Variants in MYO3B observed in about 807,000 individuals in gnomAD.
MYO3B encodes myosin IIIB.
Under a neutral mutation model 174.6 loss-of-function variants are expected in MYO3B, and 156 were observed. The ratio of observed to expected loss-of-function variants is 0.89; its 90% CI spans 0.78 to 1.02. MYO3B has a LOEUF of 1.02. MYO3B is among the 50% of genes least tolerant of loss of function. The pLI is 0.00. For synonymous variants in MYO3B, 563 were observed against 569.1 expected (o/e 0.99, Z 0.15); for missense variants, 1,632 against 1,639.4 (o/e 1.00, Z 0.08).
chr2:170,541,822 A>T (rs115698934), intron 30 of MYO3B, among the ~76,000 whole-genome samples: 143 of 152,298 alleles, frequency 9.4e-4, no homozygotes, highest in African/African-American at 3.3e-3. Context: ...GACATATGAT[A>T]AGCAAATATA....
rs1322194471 is a variant in MYO3B at position 170,338,451 on chromosome 2, CA to C, written c.815+3003del. Among the ~76,000 whole-genome samples the C allele has an allele frequency of 2.6e-5, 4 of 152,222 alleles. No individual in the cohort carries two copies. The South Asian group carries it at 6.2e-4, about 24-fold the overall frequency. On this transcript the variant is annotated intron_variant, in intron 8 of 34. Transcript: ENST00000408978. ...AGATTCCTTCTTGACCTCAGCCCTC[CA>C]ATCCTGTTTTCCCATAACATCTTAG...
At chr2:170,485,342 G>T (rs1051763875) in intron 25 of MYO3B, among the ~76,000 whole-genome samples, 1 of 149,918 alleles carries the variant, frequency 6.7e-6, no homozygotes, top group Non-Finnish European at 1.5e-5. Context: ...TCTGCCCAAT[G>T]ATGCCCCCTC....
intron 6 of MYO3B, 119 bp from the exon 7 acceptor site, chr2:170,235,872 A>T: frequency 8.6e-7 from 1 of 1,168,728 alleles, no homozygotes; most frequent in Non-Finnish European, 1.3e-6. Context: ...TTATTACTGG[A>T]ATTCAATATC....
At chr2:170,652,884 A>G (rs1699098520) in intron 34 of MYO3B, 99 bp from the exon 35 acceptor site, 14 of 1,393,930 alleles carry the variant, frequency 1.0e-5, no homozygotes, top group Admixed American at 1.8e-5. Context: ...TTGGAGCCCA[A>G]CCCTGTTCCA....
chr2:170,568,303 A>G (rs1692205897), intron 32 of MYO3B, among the ~76,000 whole-genome samples: 1 of 152,256 alleles, frequency 6.6e-6, no homozygotes, highest in Non-Finnish European at 1.5e-5. Context: ...TTTGGTAATA[A>G]CAGGGGCAGA....
At chr2:170,244,945 G>T (rs2093173233) in intron 7 of MYO3B, among the ~76,000 whole-genome samples, 1 of 152,202 alleles carries the variant, frequency 6.6e-6, no homozygotes, top group African/African-American at 2.4e-5. Flanking sequence ...GGGAAAGATT[G>T]TGTTGAGGAA....
chr2:170,624,842 G>C (rs1696262519), intron 32 of MYO3B, among the ~76,000 whole-genome samples: 1 of 152,058 alleles, frequency 6.6e-6, no homozygotes, highest in Non-Finnish European at 1.5e-5. Flanking sequence ...TTTTCTCTTT[G>C]GTTCTGTTTA....
chr2:170,261,850 A>G (rs2093348142), intron 7 of MYO3B, among the ~76,000 whole-genome samples: 1 of 152,232 alleles, frequency 6.6e-6, no homozygotes, highest in South Asian at 2.1e-4. Flanking sequence ...GTTCAAATAT[A>G]TAAATGTTCA....
At chr2:170,505,229 A>C (rs113161486) in intron 28 of MYO3B, among the ~76,000 whole-genome samples, 8 of 152,186 alleles carry the variant, frequency 5.3e-5, no homozygotes, top group African/African-American at 1.9e-4. Flanking sequence ...AAGGAGCCTG[A>C]GCAAAGGTAT....
intron 22 of MYO3B, among the ~76,000 whole-genome samples, chr2:170,412,930 G>C (rs2094555061): frequency 1.3e-5 from 2 of 152,170 alleles, no homozygotes; most frequent in Non-Finnish European, 2.9e-5. Flanking sequence ...TTTAATTTGG[G>C]AAGTGTATCT....
chr2:170,533,816 T>C (rs1301956096), intron 30 of MYO3B, among the ~76,000 whole-genome samples: 1 of 152,252 alleles, frequency 6.6e-6, no homozygotes, highest in African/African-American at 2.4e-5. Context: ...TTGTCTTGTG[T>C]GTTTATTTTG....
At chr2:170,625,766 T>G (rs530458909) in intron 32 of MYO3B, among the ~76,000 whole-genome samples, 1 of 152,224 alleles carries the variant, frequency 6.6e-6, no homozygotes, top group African/African-American at 2.4e-5. Context: ...TTTGTTCTCA[T>G]TGGTTTCAAA....
intron 32 of MYO3B, among the ~76,000 whole-genome samples, chr2:170,646,385 T>G (rs915777949): frequency 6.6e-6 from 1 of 151,588 alleles, no homozygotes; most frequent in African/African-American, 2.4e-5. Flanking sequence ...GTTCTGGGGG[T>G]TTTTTTCTGG....
chr2:170,628,936 G>GTT (rs975972922), intron 32 of MYO3B, among the ~76,000 whole-genome samples: 1 of 152,082 alleles, frequency 6.6e-6, no homozygotes, highest in Non-Finnish European at 1.5e-5. Context: ...CAAGTGTCAT[G>GTT]TTTATGTAGG....
chr2:170,224,495 C>T (rs1319567926), intron 6 of MYO3B, among the ~76,000 whole-genome samples: 1 of 152,132 alleles, frequency 6.6e-6, no homozygotes, highest in Admixed American at 6.5e-5. Flanking sequence ...ATAACAAAGA[C>T]ACGCAGAGAT....
intron 32 of MYO3B, chr2:170,644,637 G>C (rs1334821233): frequency 1.3e-5 from 2 of 152,192 alleles, no homozygotes; most frequent in Non-Finnish European, 2.9e-5. Context: ...ACTCTAGCTT[G>C]AGTATACTGG....
chr2:170,298,597 C>T (rs972550026), intron 7 of MYO3B, among the ~76,000 whole-genome samples: 1 of 149,330 alleles, frequency 6.7e-6, no homozygotes, highest in Non-Finnish European at 1.5e-5. Flanking sequence ...TTGCTTGAAC[C>T]TGGGAGGCAG....
chr2:170,558,593 T>G (rs1324603208), intron 32 of MYO3B, among the ~76,000 whole-genome samples: 1 of 152,234 alleles, frequency 6.6e-6, no homozygotes, highest in East Asian at 1.9e-4. Context: ...CCCTTAACAT[T>G]ATATTTTAAA....
Position 170,400,240 on chromosome 2 carries a change from T to A in MYO3B, c.1844T>A (p.Ile615Asn). ...GCTGGGATTTTGAATATTGGGAACA[T>A]TGAGTTCGCAGCTATTTCCTCTCAA... ...ILAGILNIGN[I>N]EFAAISSQHQ... Residue 615 changes from isoleucine (I) to asparagine (N), a missense_variant, in exon 17 of 35, where the codon ATT becomes AAT. Physicochemically the swap from Ile to Asn is moderately radical, Grantham distance 149. Transcript: ENST00000408978. The A allele has an allele frequency of 6.2e-7, 1 of 1,613,932 alleles. No individual in the cohort carries two copies. The highest frequency in any genetic ancestry group is 8.5e-7 in the Non-Finnish European group (1 of 1,179,908).
Sources: allele counts gnomAD v4.1 joint callset (sites outside exome capture counted in the v4.1 genomes callset), GRCh38; gene constraint gnomAD v4.1.1; transcripts MANE v1.5; gene names NCBI Gene and HGNC (gene_info 2026-07-23, HGNC 2026-07-21).